SNRPN: variants seen among roughly 807,000 people sequenced by gnomAD.
SNRPN encodes the protein small nuclear ribonucleoprotein-associated protein N.
Under a neutral mutation model 25.2 loss-of-function variants are expected in SNRPN, and 7 were observed. The observed-to-expected ratio is 0.28, with a 90% confidence interval of 0.16 to 0.52. The LOEUF (loss-of-function observed/expected upper bound fraction) is 0.52, where lower values mean the gene tolerates loss of function less well. Ranked by LOEUF, SNRPN falls within the 20% of genes least tolerant of loss-of-function variation. SNRPN has a pLI of 0.96. For missense variants in SNRPN, 196 were observed against 322.5 expected, an observed-to-expected ratio of 0.61 and a Z score of 3.00; for synonymous variants, 124 against 110.6, an observed-to-expected ratio of 1.12 and a Z score of -0.76.
chr15:24,927,496 T>TAC (rs2060483568), intron 3 of SNRPN, among the ~76,000 whole-genome samples: 1 of 38,088 alleles, frequency 2.6e-5, no homozygotes, highest in South Asian at 1.1e-3. Flanking sequence ...TTTTTTTTTT[T>TAC]TTTTTTTTTT....
At chr15:24,905,500 C>T (rs1282062842) in intron 2 of SNRPN, among the ~76,000 whole-genome samples, 2 of 114,032 alleles carry the variant, frequency 1.8e-5, no homozygotes, top group African/African-American at 3.6e-5. Flanking sequence ...CAGAGTGAGA[C>T]TCCATCTCAA....
intron 3 of SNRPN, among the ~76,000 whole-genome samples, chr15:24,933,374 T>C (rs964220068): frequency 2.0e-5 from 3 of 151,704 alleles, no homozygotes; most frequent in Admixed American, 1.3e-4. Flanking sequence ...ATACCTGATA[T>C]CTACAAGAGG....
At chr15:24,927,848 A>C (rs997945910) in intron 3 of SNRPN, among the ~76,000 whole-genome samples, 13 of 152,072 alleles carry the variant, frequency 8.5e-5, no homozygotes, top group African/African-American at 3.1e-4. Flanking sequence ...CATGCTAGGT[A>C]TGTTACGGAA....
chr15:24,883,581 A>T (rs184544831), intron 1 of SNRPN, among the ~76,000 whole-genome samples: 1 of 152,358 alleles, frequency 6.6e-6, no homozygotes, highest in African/African-American at 2.4e-5. Flanking sequence ...ATCATTGGCA[A>T]TATCTTACAC....
chr15:24,918,250 A>C (rs902596275), intron 2 of SNRPN, among the ~76,000 whole-genome samples: 1 of 150,432 alleles, frequency 6.6e-6, no homozygotes, highest in Non-Finnish European at 1.5e-5. Context: ...CAAATTTGCC[A>C]CAGTACCACA....
intron 2 of SNRPN, among the ~76,000 whole-genome samples, chr15:24,830,065 C>T (rs867830246): frequency 7.2e-5 from 11 of 151,996 alleles, no homozygotes; most frequent in African/African-American, 2.7e-4. Context: ...TGTTGATGTT[C>T]GCATACAAAC....
chr15:24,889,795 A>T (rs925929992), intron 2 of SNRPN, among the ~76,000 whole-genome samples: 7 of 151,430 alleles, frequency 4.6e-5, no homozygotes, highest in Non-Finnish European at 1.0e-4. Context: ...CACGCCTGTA[A>T]TCTCAGCACT....
At chr15:24,915,122 A>ATATT (rs991307772) in intron 2 of SNRPN, among the ~76,000 whole-genome samples, 23 of 151,742 alleles carry the variant, frequency 1.5e-4, no homozygotes, top group East Asian at 1.2e-3. Flanking sequence ...GTTCTTTTTT[A>ATATT]TATTTATTTA....
intron 2 of SNRPN, among the ~76,000 whole-genome samples, chr15:24,845,709 T>G (rs1358441736): frequency 6.6e-6 from 1 of 152,156 alleles, no homozygotes; most frequent in Non-Finnish European, 1.5e-5. Flanking sequence ...CTTACATAAA[T>G]TTTGGAATCT....
chr15:24,886,994 G>T (rs1354699611), intron 2 of SNRPN, among the ~76,000 whole-genome samples: 3 of 152,036 alleles, frequency 2.0e-5, no homozygotes, highest in African/African-American at 4.8e-5. Flanking sequence ...CAGTCAAACT[G>T]GCTTTTAATC....
At chr15:24,915,846 A>T (rs2059476909) in intron 2 of SNRPN, among the ~76,000 whole-genome samples, 1 of 152,166 alleles carries the variant, frequency 6.6e-6, no homozygotes, top group African/African-American at 2.4e-5. Context: ...AAAATTATAA[A>T]ACTCCTTGTG....
rs1416559207 is a variant in SNRPN at position 24,967,796 on chromosome 15, A to T, written c.-294-136A>T. The T allele has an allele frequency of 4.0e-6, 3 of 755,526 alleles. No individual in the cohort carries two copies. The East Asian group carries it at 8.7e-5, about 22-fold the overall frequency. The allele number at this position is 755,526 out of a possible 1,614,324, so 46.8% of individuals were successfully genotyped here. A position where few individuals can be genotyped will look rare whatever the true frequency, so the allele number is the denominator to read the frequency against. ...GCACTCCAGCCTGGGCAACAGAATG[A>T]GACCCTGTCTGGAAAAAAAAAAAAA... On this transcript the variant is annotated intron_variant, in intron 2 of 9. Coordinates refer to ENST00000390687, the MANE Select transcript of SNRPN (RefSeq NM_003097.6).
At chr15:24,890,372 T>C (rs2057572601) in intron 2 of SNRPN, among the ~76,000 whole-genome samples, 1 of 152,092 alleles carries the variant, frequency 6.6e-6, no homozygotes, top group African/African-American at 2.4e-5. Flanking sequence ...TCTTCAAAAC[T>C]GTCCATAAAA....
At chr15:24,857,480 G>A (rs1022145270) in intron 1 of SNRPN, among the ~76,000 whole-genome samples, 1 of 152,034 alleles carries the variant, frequency 6.6e-6, no homozygotes. Flanking sequence ...TATCCAGGTA[G>A]CATATAGTTT....
chr15:24,916,555 G>T (rs2059535786), intron 2 of SNRPN, among the ~76,000 whole-genome samples: 1 of 151,118 alleles, frequency 6.6e-6, no homozygotes, highest in Admixed American at 6.6e-5. Flanking sequence ...ATCGTCTCTA[G>T]AAGAAAAAAA....
chr15:24,850,068 A>G (rs1384973478), intron 2 of SNRPN: 3 of 152,202 alleles, frequency 2.0e-5, no homozygotes, highest in Non-Finnish European at 2.9e-5. Context: ...TTTCTTAGAA[A>G]ACAAGGCTGG....
intron 3 of SNRPN, among the ~76,000 whole-genome samples, chr15:24,924,499 G>C (rs574200155): frequency 1.3e-4 from 20 of 152,170 alleles, no homozygotes; most frequent in African/African-American, 4.6e-4. Flanking sequence ...AGGAAGCTCA[G>C]AGAAAACCTC....
chr15:24,974,741 T>G, intron 4 of SNRPN: 1 of 608,054 alleles, frequency 1.6e-6, no homozygotes, highest in Non-Finnish European at 2.9e-6. Context: ...GCCTCTTTAT[T>G]AGAAACAGGG....
chr15:24,954,807 A>G (rs2062565395), upstream of SNRPN: 3 of 591,004 alleles, frequency 5.1e-6, no homozygotes, highest in East Asian at 8.4e-5. Context: ...TCATTGCAAC[A>G]GTGCTGTGGG....
Sources: allele counts gnomAD v4.1 joint callset (sites outside exome capture counted in the v4.1 genomes callset), GRCh38; gene constraint gnomAD v4.1.1; transcripts MANE v1.5; gene names NCBI Gene and HGNC (gene_info 2026-07-23, HGNC 2026-07-21).